Variants in TMC1 observed in about 807,000 individuals in gnomAD.
TMC1 encodes the protein transmembrane channel-like protein 1.
In TMC1, 84 loss-of-function variants were observed where a neutral mutation model predicts 105.8. That is an observed-to-expected ratio of 0.79 (90% CI 0.67 to 0.95). The LOEUF (loss-of-function observed/expected upper bound fraction) is 0.95, where lower values mean the gene tolerates loss of function less well. TMC1 is among the 40% of genes least tolerant of loss of function. The probability of loss-of-function intolerance (pLI) is 0.00; values close to 1 mark genes in which losing one functional copy is unlikely to be tolerated. For synonymous variants in TMC1, 315 were observed against 311.5 expected, an observed-to-expected ratio of 1.01 and a Z score of -0.12; for missense variants, 817 against 914.1, an observed-to-expected ratio of 0.89 and a Z score of 1.37.
chr9:72,829,518 C>A (rs916912479), intron 21 of TMC1, among the ~76,000 whole-genome samples: 1 of 152,160 alleles, frequency 6.6e-6, no homozygotes, highest in African/African-American at 2.4e-5. Context: ...CACACACACA[C>A]AAACATTTAT....
intron 1 of TMC1, among the ~76,000 whole-genome samples, chr9:72,526,988 A>T (rs1261430619): frequency 6.6e-6 from 1 of 152,216 alleles, no homozygotes; most frequent in East Asian, 1.9e-4. Context: ...TTTAGGCATG[A>T]ATCCAGGGTC....
rs1412125070 is a variant in TMC1 at position 72,827,000 on chromosome 9, T to C, written c.2129+6T>C. 1 of 1,613,896 alleles carries C rather than the reference T, an allele frequency of 6.2e-7. No individual in the cohort carries two copies. The highest frequency in any genetic ancestry group is 1.3e-5 in the African/African-American group (1 of 74,930). The stretch of plus-strand genomic sequence containing the variant: ...GCTGTCATTTTGGTGATGGTGTATG[T>C]GCTTTTCCTCCTCATAGAAAGAGCC... On this transcript the variant is annotated splice_donor_region_variant and intron_variant, in intron 21 of 23. Coordinates refer to ENST00000297784, the MANE Select transcript of TMC1 (RefSeq NM_138691.3).
chr9:72,588,482 C>G (rs1388683972), intron 2 of TMC1, among the ~76,000 whole-genome samples: 2 of 152,192 alleles, frequency 1.3e-5, no homozygotes, highest in Non-Finnish European at 2.9e-5. Flanking sequence ...ACAGAGACCT[C>G]AGCTGTGGCT....
At chr9:72,557,585 T>G (rs977519146) in intron 1 of TMC1, among the ~76,000 whole-genome samples, 1 of 152,148 alleles carries the variant, frequency 6.6e-6, no homozygotes, top group Non-Finnish European at 1.5e-5. Context: ...CCACCACCAC[T>G]AAAGCCATGT....
chr9:72,763,723 T>C (rs1461405994), intron 12 of TMC1, among the ~76,000 whole-genome samples: 3 of 151,842 alleles, frequency 2.0e-5, no homozygotes, highest in South Asian at 2.1e-4. Context: ...ACACAAGGCA[T>C]TGGAGAGACA....
chr9:72,814,861 G>C (rs566521030), intron 18 of TMC1, among the ~76,000 whole-genome samples: 1 of 146,982 alleles, frequency 6.8e-6, no homozygotes, highest in East Asian at 2.0e-4. Flanking sequence ...TGAGTTCTTG[G>C]GTTTGGGAGG....
rs1827530368 is a variant in TMC1, at chr9:72,748,614, G to T, written c.536-3236G>T. 2.0e-5 allele frequency among the ~76,000 whole-genome samples: 3 copies of T among 151,872 alleles called. No homozygotes were observed. In the South Asian group the frequency reaches 6.2e-4, roughly 32 times the overall value. ...TATTCTTTTCATTTATGCTCTTTTAGTCACACTAATCAGGCATTTCTTTTT... is the reference window on the plus strand; with the variant it reads ...TATTCTTTTCATTTATGCTCTTTTATTCACACTAATCAGGCATTTCTTTTT... On this transcript the variant is annotated intron_variant, in intron 10 of 23. Coordinates refer to ENST00000297784, the MANE Select transcript of TMC1 (RefSeq NM_138691.3).
chr9:72,661,746 C>A (rs568558457), intron 5 of TMC1, among the ~76,000 whole-genome samples: 6 of 152,118 alleles, frequency 3.9e-5, no homozygotes, highest in Non-Finnish European at 8.8e-5. Context: ...TCCTTTTATA[C>A]TTTTTAAAAC....
chr9:72,775,856 G>A (rs1241194819), intron 13 of TMC1, among the ~76,000 whole-genome samples: 4 of 152,158 alleles, frequency 2.6e-5, no homozygotes, highest in African/African-American at 9.7e-5. Context: ...TGGTGAGATA[G>A]GAAGCAAAAG....
chr9:72,746,115 T>TA (rs1452683576), intron 10 of TMC1, among the ~76,000 whole-genome samples: 1 of 152,240 alleles, frequency 6.6e-6, no homozygotes, highest in African/African-American at 2.4e-5. Context: ...GTACCCTACT[T>TA]ATAGAATACA....
At chr9:72,755,098 AAGAAAGAAAGAAAG>A (rs1332344180) in intron 12 of TMC1, among the ~76,000 whole-genome samples, 2 of 97,306 alleles carry the variant, frequency 2.1e-5, no homozygotes, top group African/African-American at 4.5e-5. Flanking sequence ...GAGAGAGAGA[AAGAAAGAAAGAAAG>A]AGAAAGAAAG....
At chr9:72,696,015 C>T (rs944453385) in intron 7 of TMC1, among the ~76,000 whole-genome samples, 1 of 152,146 alleles carries the variant, frequency 6.6e-6, no homozygotes, top group Non-Finnish European at 1.5e-5. Context: ...TTTAGCAAAG[C>T]TTATGCTTTC....
At chr9:72,646,744 TATGAAGTATCTGTTCAA>T (rs1445834182) in intron 4 of TMC1, among the ~76,000 whole-genome samples, 1 of 151,688 alleles carries the variant, frequency 6.6e-6, no homozygotes, top group Non-Finnish European at 1.5e-5. Context: ...TATCCTAACA[TATGAAGTATCTGTTCAA>T]ATCTTTTACC....
chr9:72,643,667 A>C (rs188937665), intron 4 of TMC1, among the ~76,000 whole-genome samples: 375 of 152,296 alleles, frequency 2.5e-3, no homozygotes, highest in Admixed American at 5.4e-3. Context: ...ATTCAATTAC[A>C]TGAATACATT....
At chr9:72,797,722 A>G (rs1043031619) in intron 17 of TMC1, among the ~76,000 whole-genome samples, 7 of 152,224 alleles carry the variant, frequency 4.6e-5, no homozygotes, top group African/African-American at 1.7e-4. Flanking sequence ...TTAACTCAAG[A>G]TGGATTAAAG....
At chr9:72,543,721 A>ATG (rs1823716540) in intron 1 of TMC1, among the ~76,000 whole-genome samples, 1 of 152,118 alleles carries the variant, frequency 6.6e-6, no homozygotes, top group Admixed American at 6.6e-5. Flanking sequence ...CCATATATAT[A>ATG]TAAAGTTTGA....
intron 5 of TMC1, among the ~76,000 whole-genome samples, chr9:72,686,834 A>G (rs1474829085): frequency 2.0e-5 from 3 of 152,134 alleles, no homozygotes; most frequent in Non-Finnish European, 4.4e-5. Context: ...ATCACTGAGA[A>G]ATTGCAGCTC....
intron 3 of TMC1, among the ~76,000 whole-genome samples, chr9:72,625,001 A>C (rs1386617805): frequency 6.6e-6 from 1 of 152,254 alleles, no homozygotes; most frequent in African/African-American, 2.4e-5. Context: ...TGCTGTGGGC[A>C]TCTGAATATA....
chr9:72,626,420 T>C (rs1825348334), intron 3 of TMC1, among the ~76,000 whole-genome samples: 1 of 152,058 alleles, frequency 6.6e-6, no homozygotes, highest in Non-Finnish European at 1.5e-5. Flanking sequence ...TTGAAGTCAT[T>C]TGAGTGGATG....
Sources: allele counts gnomAD v4.1 joint callset (sites outside exome capture counted in the v4.1 genomes callset), GRCh38; gene constraint gnomAD v4.1.1; transcripts MANE v1.5; gene names NCBI Gene and HGNC (gene_info 2026-07-23, HGNC 2026-07-21).